The following MAP2 variants were observed in gnomAD, a reference collection of about 807,000 sequenced individuals.
MAP2 encodes the protein microtubule-associated protein 2.
A neutral mutation model predicts 137.6 loss-of-function variants in MAP2; 14 were observed. That is an observed-to-expected ratio of 0.10 (90% confidence interval 0.07 to 0.16). MAP2 has a LOEUF of 0.16. MAP2 is among the 10% of genes least tolerant of loss of function. MAP2 has a pLI of 1.00. For synonymous variants in MAP2, 786 were observed against 782.3 expected (o/e 1.00, Z -0.08); for missense variants, 2,088 against 2,191.5 (o/e 0.95, Z 0.94).
At chr2:209,494,323 C>T (rs1290180245) in intron 1 of MAP2, among the ~76,000 whole-genome samples, 2 of 151,834 alleles carry the variant, frequency 1.3e-5, no homozygotes, top group African/African-American at 4.8e-5. Flanking sequence ...AGGAGAAATA[C>T]CTAATGTAGA....
At chr2:209,615,510 T>C (rs2088922470) in intron 3 of MAP2, among the ~76,000 whole-genome samples, 2 of 152,242 alleles carry the variant, frequency 1.3e-5, no homozygotes, top group African/African-American at 4.8e-5. Context: ...AAAATATCAT[T>C]TAAAGACTGA....
chr2:209,441,899 G>C (rs1441668618), intron 1 of MAP2, among the ~76,000 whole-genome samples: 1 of 151,516 alleles, frequency 6.6e-6, no homozygotes, highest in African/African-American at 2.4e-5. Context: ...GCCGGCATGA[G>C]TTGCATTTCA....
intron 2 of MAP2, among the ~76,000 whole-genome samples, chr2:209,541,032 T>C (rs1045463739): frequency 1.3e-5 from 2 of 151,112 alleles, no homozygotes; most frequent in African/African-American, 2.5e-5. Flanking sequence ...AAAATACTAA[T>C]GATTTTTTCG....
chr2:209,612,216 A>C (rs1319391530), intron 3 of MAP2, among the ~76,000 whole-genome samples: 2 of 152,224 alleles, frequency 1.3e-5, no homozygotes, highest in African/African-American at 4.8e-5. Context: ...TTACTAGAAA[A>C]GAGCTCTTTG....
chr2:209,609,708 A>G (rs55911510), intron 3 of MAP2, among the ~76,000 whole-genome samples: 1 of 152,060 alleles, frequency 6.6e-6, no homozygotes, highest in Non-Finnish European at 1.5e-5. Flanking sequence ...TTATTAGTTC[A>G]TTAATCAGTT....
At chr2:209,458,360 C>G (rs949225290) in intron 1 of MAP2, among the ~76,000 whole-genome samples, 2 of 152,122 alleles carry the variant, frequency 1.3e-5, no homozygotes, top group African/African-American at 4.8e-5. Flanking sequence ...TGCATTCCAA[C>G]TATACCCTCT....
intron 2 of MAP2, among the ~76,000 whole-genome samples, chr2:209,544,110 G>A (rs1333988542): frequency 6.6e-6 from 1 of 151,992 alleles, no homozygotes; most frequent in Non-Finnish European, 1.5e-5. Flanking sequence ...GTGGGTGCCT[G>A]TAGTCCCATC....
At chr2:209,682,046 T>C (rs2054816023) in intron 7 of MAP2, among the ~76,000 whole-genome samples, 1 of 152,182 alleles carries the variant, frequency 6.6e-6, no homozygotes, top group African/African-American at 2.4e-5. Flanking sequence ...AGCCACTGAT[T>C]ATTAGTTAAT....
chr2:209,544,765 A>G (rs2067710627), intron 2 of MAP2, among the ~76,000 whole-genome samples: 1 of 152,236 alleles, frequency 6.6e-6, no homozygotes, highest in South Asian at 2.1e-4. Flanking sequence ...TGCTAACCCA[A>G]TAATGTGATA....
rs2075844284 is a variant in MAP2, at chr2:209,732,066, T to A, written c.*1669T>A. ...GCTACCAGGCTAGATGGACACTTTT[T>A]AAAAATTTTATCTGTTCTTTTTCTT... On this transcript the variant is annotated 3_prime_UTR_variant, in exon 16 of 16. Transcript: ENST00000682079. 1 of 152,236 alleles carries A rather than the reference T, an allele frequency of 6.6e-6. No homozygotes were observed. Among genetic ancestry groups the A allele is most frequent in the Non-Finnish European group, 1.5e-5 (1 of 68,046 alleles). The allele number at this position is 152,236 out of a possible 1,614,324, so 9.4% of individuals were successfully genotyped here.
chr2:209,558,704 A>G (rs2153338158), intron 2 of MAP2, among the ~76,000 whole-genome samples: 2 of 151,342 alleles, frequency 1.3e-5, no homozygotes, highest in South Asian at 4.2e-4. Flanking sequence ...AATAATAATA[A>G]TCCAAGAATA....
intron 1 of MAP2, among the ~76,000 whole-genome samples, chr2:209,434,472 A>G (rs1356007211): frequency 6.6e-6 from 1 of 151,502 alleles, no homozygotes; most frequent in Non-Finnish European, 1.5e-5. Flanking sequence ...TTTTAGGATT[A>G]TTTTTATTAT....
intron 3 of MAP2, among the ~76,000 whole-genome samples, chr2:209,600,151 T>A (rs946359093): frequency 6.6e-6 from 1 of 152,128 alleles, no homozygotes; most frequent in Non-Finnish European, 1.5e-5. Flanking sequence ...TGCTTCTTTC[T>A]ACCCATTTCA....
At chr2:209,512,956 G>T (rs1458424520) in intron 2 of MAP2, among the ~76,000 whole-genome samples, 2 of 152,090 alleles carry the variant, frequency 1.3e-5, no homozygotes, top group East Asian at 1.9e-4. Flanking sequence ...CCAATTTATA[G>T]AATTTTATAC....
At chr2:209,576,318 A>G (rs1435557050) in intron 2 of MAP2, among the ~76,000 whole-genome samples, 1 of 152,138 alleles carries the variant, frequency 6.6e-6, no homozygotes, top group Non-Finnish European at 1.5e-5. Context: ...ATCTCGGCTC[A>G]CTGCAACCTC....
chr2:209,564,537 T>A (rs149992434), intron 2 of MAP2, among the ~76,000 whole-genome samples: 50 of 148,522 alleles, frequency 3.4e-4, no homozygotes, highest in African/African-American at 1.2e-3. Flanking sequence ...AATCTGTGTT[T>A]TAGCACAGCT....
chr2:209,717,950 A>T (rs1299517419), intron 13 of MAP2, among the ~76,000 whole-genome samples: 7 of 152,222 alleles, frequency 4.6e-5, no homozygotes, highest in Non-Finnish European at 8.8e-5. Context: ...AGGACTCATA[A>T]AATACCCTAC....
intron 2 of MAP2, among the ~76,000 whole-genome samples, chr2:209,530,872 T>C (rs2065009921): frequency 6.6e-6 from 1 of 152,186 alleles, no homozygotes; most frequent in Non-Finnish European, 1.5e-5. Context: ...AAAATGTGTC[T>C]TTTCTCCCAT....
At chr2:209,623,463 A>G (rs1559430552) in intron 3 of MAP2, among the ~76,000 whole-genome samples, 1 of 152,222 alleles carries the variant, frequency 6.6e-6, no homozygotes. Context: ...ATGAAGCACA[A>G]AAAACAAGCA....
Sources: gnomAD v4.1 joint callset for allele counts (sites outside exome capture counted in the v4.1 genomes callset) on GRCh38, gnomAD v4.1.1 for gene constraint, MANE v1.5 for transcripts, NCBI Gene and HGNC (gene_info 2026-07-23, HGNC 2026-07-21) for gene names.